BANK1: variants seen among roughly 807,000 people sequenced by gnomAD.
BANK1 encodes B cell scaffold protein with ankyrin repeats 1, also known as B-cell scaffold protein with ankyrin repeats.
Under a neutral mutation model 94.5 loss-of-function variants are expected in BANK1, and 95 were observed. The ratio of observed to expected loss-of-function variants is 1.00; its 90% CI spans 0.85 to 1.19. BANK1 has a LOEUF of 1.19. Among genes scored for constraint, BANK1 ranks in the 50% most tolerant of loss-of-function variants. BANK1 has a pLI of 0.00. For synonymous variants in BANK1, 334 were observed against 308.4 expected (o/e 1.08, Z -0.87); for missense variants, 987 against 932.2 (o/e 1.06, Z -0.77).
In BANK1 at chr4:102,071,256, G is replaced by A; in HGVS notation, c.2213-19G>A. 1.2e-6 allele frequency: 2 copies of A among 1,612,616 alleles called. No individual in the cohort carries two copies. Among genetic ancestry groups the A allele is most frequent in the Non-Finnish European group, 8.5e-7 (1 of 1,178,820 alleles). The stretch of plus-strand genomic sequence containing the variant: ...TATTGAACAAAACTCAGTAGAACAT[G>A]CTTTTTTTTGTCTTCCAGATAAACT... On this transcript the variant is annotated intron_variant, in intron 13 of 16. Coordinates refer to ENST00000322953, the MANE Select transcript of BANK1 (RefSeq NM_017935.5).
intron 7 of BANK1, among the ~76,000 whole-genome samples, chr4:101,986,339 C>G (rs1250865515): frequency 1.3e-5 from 2 of 152,118 alleles, no homozygotes; most frequent in African/African-American, 4.8e-5. Context: ...CCCTAGATAC[C>G]AAATGGCTCA....
chr4:101,852,414 A>G (rs1727512713), intron 2 of BANK1, among the ~76,000 whole-genome samples: 1 of 146,584 alleles, frequency 6.8e-6, no homozygotes, highest in African/African-American at 2.5e-5. Context: ...ATTTATATCT[A>G]TTTAGTAAAT....
At chr4:102,037,187 A>C (rs1727537746) in intron 10 of BANK1, among the ~76,000 whole-genome samples, 1 of 152,216 alleles carries the variant, frequency 6.6e-6, no homozygotes, top group African/African-American at 2.4e-5. Flanking sequence ...TTGATTGTCA[A>C]GACTAAGAAC....
intron 7 of BANK1, among the ~76,000 whole-genome samples, chr4:102,013,432 G>T (rs555192698): frequency 1.3e-5 from 2 of 152,084 alleles, no homozygotes; most frequent in African/African-American, 4.8e-5. Context: ...TCAAATATAA[G>T]CCATTTGGGA....
At chr4:101,858,053 A>G (rs1176796556) in intron 3 of BANK1, among the ~76,000 whole-genome samples, 2 of 152,170 alleles carry the variant, frequency 1.3e-5, no homozygotes, top group African/African-American at 4.8e-5. Flanking sequence ...TGAAAAATCC[A>G]ACTGTGAGGT....
chr4:101,816,772 T>A (rs951719830), intron 1 of BANK1, among the ~76,000 whole-genome samples: 11 of 152,284 alleles, frequency 7.2e-5, no homozygotes, highest in Non-Finnish European at 1.3e-4. Context: ...AACCAAATTA[T>A]AATTTGCTAG....
chr4:101,892,948 C>T (rs905145593), intron 5 of BANK1, among the ~76,000 whole-genome samples: 13 of 151,884 alleles, frequency 8.6e-5, no homozygotes, highest in African/African-American at 3.1e-4. Flanking sequence ...TTTTCATAGC[C>T]ATTTCTGTGA....
intron 10 of BANK1, among the ~76,000 whole-genome samples, chr4:102,037,966 A>G (rs74565958): frequency 0.02 from 3,103 of 152,276 alleles, 119 homozygotes; most frequent in African/African-American, 0.071. Context: ...ACTTTTTCAA[A>G]GTATTTATTA....
chr4:101,982,495 C>T (rs1484608936), intron 7 of BANK1, among the ~76,000 whole-genome samples: 3 of 151,950 alleles, frequency 2.0e-5, no homozygotes. Flanking sequence ...AGTAGGTATA[C>T]ATTTGTTTGA....
Position 101,986,808 on chromosome 4 carries a change from T to C in BANK1, c.1207-34706T>C, listed in dbSNP as rs12641307. On this transcript the variant is annotated intron_variant, in intron 7 of 16. Coordinates refer to ENST00000322953, the MANE Select transcript of BANK1 (RefSeq NM_017935.5). Reference sequence around the variant, plus strand: ...ATGTGTGTATATATATGTGTATATATATGTATATATATGTGTATATATATG... The same window carrying C: ...ATGTGTGTATATATATGTGTATATACATGTATATATATGTGTATATATATG... Among the ~76,000 whole-genome samples, 302 of 96,508 alleles carry C rather than the reference T, an allele frequency of 3.1e-3. 9 individuals are homozygous for C. In the East Asian group the frequency reaches 0.067, roughly 21 times the overall value. 63.3% of individuals were successfully genotyped at this position (96,508 alleles called of 152,430 possible). A position where few individuals can be genotyped will look rare whatever the true frequency, so the allele number is the denominator to read the frequency against.
chr4:101,792,451 G>T (rs1379584059), intron 1 of BANK1, among the ~76,000 whole-genome samples: 126 of 100,604 alleles, frequency 1.3e-3, no homozygotes, highest in African/African-American at 3.7e-3. Flanking sequence ...TTGTGTGTGT[G>T]TGTGTGTGTG....
chr4:101,966,918 A>G (rs1724786280), intron 7 of BANK1, among the ~76,000 whole-genome samples: 1 of 152,090 alleles, frequency 6.6e-6, no homozygotes, highest in Non-Finnish European at 1.5e-5. Flanking sequence ...TCTCTAAATC[A>G]GAATAACAGT....
chr4:101,891,880 A>G (rs533356589), intron 5 of BANK1, among the ~76,000 whole-genome samples: 7 of 151,896 alleles, frequency 4.6e-5, no homozygotes, highest in Non-Finnish European at 1.0e-4. Flanking sequence ...TGTTTTCCTG[A>G]TAAAGCTTTC....
chr4:101,873,456 A>G (rs13108400), intron 5 of BANK1, among the ~76,000 whole-genome samples: 66,111 of 151,416 alleles, frequency 0.44, 15,184 homozygotes, highest in African/African-American at 0.59. Flanking sequence ...AGAAATCTGC[A>G]GGATTTAAGT....
intron 2 of BANK1, among the ~76,000 whole-genome samples, chr4:101,853,094 G>C (rs1416583420): frequency 6.6e-6 from 1 of 152,120 alleles, no homozygotes; most frequent in Non-Finnish European, 1.5e-5. Flanking sequence ...GAAAGAAAGA[G>C]ATTGCTTATG....
At chr4:101,877,966 A>G (rs1391389079) in intron 5 of BANK1, among the ~76,000 whole-genome samples, 1 of 152,218 alleles carries the variant, frequency 6.6e-6, no homozygotes, top group African/African-American at 2.4e-5. Context: ...CAAAACAAAT[A>G]CAAAACAAGA....
At chr4:101,953,926 G>A (rs1481183213) in intron 7 of BANK1, among the ~76,000 whole-genome samples, 5 of 152,000 alleles carry the variant, frequency 3.3e-5, no homozygotes, top group African/African-American at 9.7e-5. Flanking sequence ...CCACAAACTG[G>A]GTAGCTAAAA....
chr4:101,821,109 T>G (rs906384390), intron 1 of BANK1, among the ~76,000 whole-genome samples: 1 of 152,202 alleles, frequency 6.6e-6, no homozygotes, highest in Non-Finnish European at 1.5e-5. Flanking sequence ...CTCGCCAGCA[T>G]CTGTTATTTT....
intron 4 of BANK1, among the ~76,000 whole-genome samples, chr4:101,863,985 A>T (rs1727977162): frequency 6.6e-6 from 1 of 152,172 alleles, no homozygotes; most frequent in South Asian, 2.1e-4. Flanking sequence ...CTACTGGGTG[A>T]GAGCAGTATA....
Sources: allele counts gnomAD v4.1 joint callset (sites outside exome capture counted in the v4.1 genomes callset), GRCh38; gene constraint gnomAD v4.1.1; transcripts MANE v1.5; gene names NCBI Gene and HGNC (gene_info 2026-07-23, HGNC 2026-07-21).